Variants in TMEM182 observed in about 807,000 individuals in gnomAD.
TMEM182 encodes the protein transmembrane protein 182.
In TMEM182, 20 loss-of-function variants were observed where a neutral mutation model predicts 26.8. The observed-to-expected ratio is 0.75, with a 90% CI of 0.53 to 1.09. The LOEUF is 1.09. Among genes scored for constraint, TMEM182 ranks in the 50% least tolerant of loss-of-function variants. TMEM182 has a pLI of 0.00. For synonymous variants in TMEM182, 109 were observed against 102.2 expected (o/e 1.07, Z -0.40); for missense variants, 277 against 275.5 (o/e 1.01, Z -0.04).
chr2:102,829,848 C>T (rs192924746), intron 3 of TMEM182, among the ~76,000 whole-genome samples: 1 of 152,280 alleles, frequency 6.6e-6, no homozygotes, highest in African/African-American at 2.4e-5. Flanking sequence ...TGACCACTCT[C>T]CTCCCCCAAT....
chr2:102,764,311 T>C lies in TMEM182; in HGVS notation c.233-18T>C. On this transcript the variant is annotated intron_variant, in intron 2 of 4. Transcript: ENST00000412401. ...AGCTTTTCAATAACAAGTGCCATTG[T>C]TTTGCTGTTCTTCCTAGCCAATCAG... 1 of 1,612,132 alleles carries C rather than the reference T, an allele frequency of 6.2e-7. No homozygotes were observed. Among genetic ancestry groups the C allele is most frequent in the Non-Finnish European group, 8.5e-7 (1 of 1,178,298 alleles).
downstream of TMEM182, among the ~76,000 whole-genome samples, chr2:102,817,901 T>C (rs1412241297): frequency 6.6e-6 from 1 of 152,216 alleles, no homozygotes; most frequent in African/African-American, 2.4e-5. Context: ...TTTCCCTGAG[T>C]GCCACTTTAA....
intron 3 of TMEM182, among the ~76,000 whole-genome samples, chr2:102,791,479 C>A (rs1681634677): frequency 6.6e-6 from 1 of 152,144 alleles, no homozygotes; most frequent in Admixed American, 6.5e-5. Context: ...AAACTGAATT[C>A]TCCAGAACTA....
Position 102,817,230 on chromosome 2 carries a change from G to C in TMEM182, c.*2262G>C. On this transcript the variant is annotated 3_prime_UTR_variant, in exon 5 of 5. Transcript: ENST00000412401. ...AGATACTGTGTTGCCAAATGTCCAT[G>C]TTATGTTTATTTCTCTATTGGTTGT... 1.0e-6 allele frequency: 1 copy of C among 985,348 alleles called. No homozygotes were observed. Among genetic ancestry groups the C allele is most frequent in the Non-Finnish European group, 1.2e-6 (1 of 829,878 alleles). 61.0% of individuals were successfully genotyped at this position (985,348 alleles called of 1,614,324 possible).
intron 1 of TMEM182, among the ~76,000 whole-genome samples, chr2:102,742,610 C>T (rs1679576694): frequency 6.6e-6 from 1 of 152,132 alleles, no homozygotes; most frequent in Non-Finnish European, 1.5e-5. Context: ...CAAAAAATCT[C>T]CTCTGAGGTA....
intron 4 of TMEM182, among the ~76,000 whole-genome samples, chr2:102,814,329 G>T (rs1187392355): frequency 1.3e-5 from 2 of 151,780 alleles, no homozygotes; most frequent in African/African-American, 4.8e-5. Context: ...GGTGGTAAGT[G>T]TACCTATTTC....
chr2:102,840,207 G>A (rs1416765046), intron 3 of TMEM182, among the ~76,000 whole-genome samples: 3 of 152,180 alleles, frequency 2.0e-5, no homozygotes, highest in African/African-American at 7.2e-5. Flanking sequence ...TGGAGGCCTT[G>A]GGGAGGGATG....
At chr2:102,821,138 C>T (rs1278906976), downstream of TMEM182, among the ~76,000 whole-genome samples, 1 of 152,172 alleles carries the variant, frequency 6.6e-6, no homozygotes, top group African/African-American at 2.4e-5. Context: ...CTCAGACATG[C>T]CAAGGTGCAC....
In TMEM182 at chr2:102,747,949, G is replaced by T. The variant is rs1057346939; in HGVS notation, c.-82-10440G>T. On this transcript the variant is annotated intron_variant, in intron 1 of 5. Transcript: ENST00000409173. Reference sequence around the variant, plus strand: ...CTCAGTGATATAAGACAGAAAGTGTGTGTGTGTGTTTTTTTTTCCTTCTTG... The same window carrying T: ...CTCAGTGATATAAGACAGAAAGTGTTTGTGTGTGTTTTTTTTTCCTTCTTG... 1.4e-4 allele frequency among the ~76,000 whole-genome samples: 22 copies of T among 152,180 alleles called. 1 individual carries two copies. The highest frequency in any genetic ancestry group is 4.4e-5 in the Non-Finnish European group (3 of 68,028).
At chr2:102,802,854 C>G (rs1001544948) in intron 4 of TMEM182, among the ~76,000 whole-genome samples, 1 of 152,212 alleles carries the variant, frequency 6.6e-6, no homozygotes. Context: ...CTTACCAGCA[C>G]ATCAAGCTAG....
chr2:102,742,900 C>T (rs527278042), intron 1 of TMEM182, among the ~76,000 whole-genome samples: 19 of 152,090 alleles, frequency 1.2e-4, no homozygotes, highest in Non-Finnish European at 2.5e-4. Flanking sequence ...TTTCCATTAG[C>T]CATGCCTTTC....
chr2:102,834,356 T>A, intron 3 of TMEM182: 1 of 984,506 alleles, frequency 1.0e-6, no homozygotes, highest in Non-Finnish European at 1.2e-6. Flanking sequence ...TATTGTAACA[T>A]TTCCCTTTTT....
chr2:102,822,658 G>T (rs985921446), downstream of TMEM182, among the ~76,000 whole-genome samples: 1 of 152,150 alleles, frequency 6.6e-6, no homozygotes, highest in African/African-American at 2.4e-5. Flanking sequence ...TGGGTAGAAG[G>T]GAATGTGGGA....
chr2:102,763,946 A>G (rs1381691393), intron 2 of TMEM182, among the ~76,000 whole-genome samples: 1 of 152,292 alleles, frequency 6.6e-6, no homozygotes, highest in South Asian at 2.1e-4. Flanking sequence ...TCAAGGTTAA[A>G]CTTAAGTTTA....
intron 3 of TMEM182, among the ~76,000 whole-genome samples, chr2:102,771,016 G>A (rs960909533): frequency 9.2e-5 from 14 of 152,102 alleles, no homozygotes; most frequent in South Asian, 4.2e-4. Context: ...CTTGCAGATC[G>A]ATTACTCTGT....
chr2:102,814,817 AC>A lies in TMEM182; in HGVS notation c.541del (p.Arg181GlufsTer3). Reference protein sequence around the residue: ...WVQAVADMESYRNMKMKDCLD... With the variant: ...WVQAVADMESXRNMKMKDCLD... ...CAGGCAGTGGCTGACATGGAAAGCT[AC>A]CGAAACATGAAAATGAAGGACTGCC... is the stretch of plus-strand genomic sequence containing the variant. On this transcript the variant is annotated frameshift_variant, in exon 5 of 5. Transcript: ENST00000412401. LOFTEE classifies it high-confidence loss of function. 1 of 1,613,856 alleles carries A rather than the reference AC, an allele frequency of 6.2e-7. No individual in the cohort carries two copies. Among genetic ancestry groups the A allele is most frequent in the Non-Finnish European group, 8.5e-7 (1 of 1,179,922 alleles).
Position 102,817,466 on chromosome 2 carries a change from G to A in TMEM182, c.*2498G>A. On this transcript the variant is annotated 3_prime_UTR_variant, in exon 5 of 5. Transcript: ENST00000412401. The stretch of plus-strand genomic sequence containing the variant: ...TGTTCAGCTGGTTTAATTCACTCAG[G>A]TGGATGATTGCACATACATTGGAAT... The A allele has an allele frequency of 2.0e-6, 2 of 985,362 alleles. No homozygotes were observed. The highest frequency in any genetic ancestry group is 2.4e-6 in the Non-Finnish European group (2 of 829,906). 61.0% of individuals were successfully genotyped at this position (985,362 alleles called of 1,614,324 possible). A position where few individuals can be genotyped will look rare whatever the true frequency, so the allele number is the denominator to read the frequency against.
In TMEM182 at chr2:102,815,813, T is replaced by C; in HGVS notation, c.*845T>C. ...TTCTCATTTAAAAATTATATTGCTA[T>C]CATTCAGCATGTGAAAATTTATTGA... is the stretch of plus-strand genomic sequence containing the variant. On this transcript the variant is annotated 3_prime_UTR_variant, in exon 5 of 5. Transcript: ENST00000412401. The C allele has an allele frequency of 1.1e-6, 1 of 911,972 alleles. No individual in the cohort carries two copies. The highest frequency in any genetic ancestry group is 1.3e-6 in the Non-Finnish European group (1 of 763,360). 56.5% of individuals were successfully genotyped at this position (911,972 alleles called of 1,614,324 possible).
At chr2:102,788,254 G>C (rs2732810) in intron 3 of TMEM182, among the ~76,000 whole-genome samples, 34,646 of 151,998 alleles carry the variant, frequency 0.23, 4,194 homozygotes, top group South Asian at 0.39. Context: ...TCATTCAGCT[G>C]GTCTGGTTTG....
Sources: gnomAD v4.1 joint callset for allele counts (sites outside exome capture counted in the v4.1 genomes callset) on GRCh38, gnomAD v4.1.1 for gene constraint, MANE v1.5 for transcripts, NCBI Gene and HGNC (gene_info 2026-07-23, HGNC 2026-07-21) for gene names.